Variants in SLC6A3 observed in about 807,000 individuals in gnomAD.
The protein encoded by SLC6A3 is solute carrier family 6 member 3, also known as sodium-dependent dopamine transporter.
A neutral mutation model predicts 70.4 loss-of-function variants in SLC6A3; 19 were observed. The ratio of observed to expected loss-of-function variants is 0.27; its 90% CI spans 0.19 to 0.40. The LOEUF is 0.40. Among genes scored for constraint, SLC6A3 ranks in the 10% least tolerant of loss-of-function variants. SLC6A3 has a pLI of 1.00. For missense variants in SLC6A3, 613 were observed against 838.5 expected, an observed-to-expected ratio of 0.73 and a Z score of 3.32; for synonymous variants, 368 against 356.6, an observed-to-expected ratio of 1.03 and a Z score of -0.36.
chr5:1,441,593 C>G (rs574328618), intron 2 of SLC6A3, 103 bp from the exon 3 acceptor site: 4 of 1,355,200 alleles, frequency 3.0e-6, no homozygotes, highest in Non-Finnish European at 4.0e-6. Context: ...TGTCCTGGCC[C>G]GACCGTTTCA....
In SLC6A3 at chr5:1,413,739, T is replaced by C. The variant is rs1456048063; in HGVS notation, c.1156+952A>G. The stretch of plus-strand genomic sequence containing the variant: ...AGCAGGCCGGGAGGCAGGCGGGGGC[T>C]CTGCTGGCTGACAGAGACCGAGAAG... On this transcript the variant is annotated intron_variant, in intron 8 of 14. Transcript: ENST00000270349. This position sits in a 1 kb window ranked among gnomAD's most constrained non-coding sequence, Gnocchi z 7.1. Among the ~76,000 whole-genome samples, 1 of 151,782 alleles carries C rather than the reference T, an allele frequency of 6.6e-6. No individual in the cohort carries two copies. The highest frequency in any genetic ancestry group is 1.5e-5 in the Non-Finnish European group (1 of 67,922).
chr5:1,401,778 C>T lies in SLC6A3; in HGVS notation c.1768-792G>A, dbSNP rs997319092. On this transcript the variant is annotated intron_variant, in intron 13 of 14. Transcript: ENST00000270349. This position sits in a 1 kb window ranked among gnomAD's most constrained non-coding sequence, Gnocchi z 6.1. Reference sequence around the variant, plus strand: ...GCGCTGACCTGGGCCCCGCCTCCCACGTCCATCCAGCCTCCCAGAGGAGCT... The same window carrying T: ...GCGCTGACCTGGGCCCCGCCTCCCATGTCCATCCAGCCTCCCAGAGGAGCT... Among the ~76,000 whole-genome samples, 2 of 152,382 alleles carry T rather than the reference C, an allele frequency of 1.3e-5. No individual in the cohort carries two copies. Among genetic ancestry groups the T allele is most frequent in the East Asian group, 1.9e-4 (1 of 5,186 alleles).
intron 14 of SLC6A3, among the ~76,000 whole-genome samples, chr5:1,398,937 C>A (rs1004867362): frequency 3.9e-5 from 6 of 152,182 alleles, no homozygotes; most frequent in African/African-American, 9.7e-5. Flanking sequence ...TGGTCAAGCA[C>A]CCCTAAAGTT....
intron 4 of SLC6A3, among the ~76,000 whole-genome samples, chr5:1,422,412 G>GCTGCTGGGTACCCACCGCTGCCCA (rs1756463898): frequency 9.1e-5 from 4 of 44,166 alleles, no homozygotes; most frequent in African/African-American, 4.2e-4. Flanking sequence ...CGCTGCCCAC[G>GCTGCTGGGTACCCACCGCTGCCCA]GTGCTGCCCA....
intron 3 of SLC6A3, among the ~76,000 whole-genome samples, chr5:1,435,736 G>A (rs1756814543): frequency 7.1e-6 from 1 of 140,534 alleles, no homozygotes; most frequent in Non-Finnish European, 1.6e-5. Context: ...GTGGTGGCCA[G>A]TCCCCTCCTG....
In SLC6A3 at chr5:1,412,868, C is replaced by T. The variant is rs28363088; in HGVS notation, c.1157-1513G>A. Among the ~76,000 whole-genome samples the T allele has an allele frequency of 2.9e-4, 44 of 152,324 alleles. No homozygotes were observed. The East Asian group carries it at 7.2e-3, about 25-fold the overall frequency. The stretch of plus-strand genomic sequence containing the variant: ...AGCAGCGGGGTCAGACCTGGGCTCT[C>T]GCAGCTCCCAGATACCCTGGTGGAT... On this transcript the variant is annotated intron_variant, in intron 8 of 14. Coordinates refer to ENST00000270349, the MANE Select transcript of SLC6A3 (RefSeq NM_001044.5).
rs1217312561 is a variant in SLC6A3 at position 1,406,664 on chromosome 5, A to C, written c.1499-376T>G. On this transcript the variant is annotated intron_variant, in intron 11 of 14. Coordinates refer to ENST00000270349, the MANE Select transcript of SLC6A3 (RefSeq NM_001044.5). The surrounding 1 kb of genome is among the most constrained non-coding windows in gnomAD (Gnocchi z 8.8). ...GTAAAATACACATAACATAAAACTTACCATTTTAGCCATTTTTACGTGTAG... is the reference window on the plus strand; with the variant it reads ...GTAAAATACACATAACATAAAACTTCCCATTTTAGCCATTTTTACGTGTAG... Among the ~76,000 whole-genome samples the C allele has an allele frequency of 8.7e-5, 13 of 149,312 alleles. No homozygotes were observed. Among genetic ancestry groups the C allele is most frequent in the Non-Finnish European group, 1.7e-4 (11 of 65,994 alleles).
chr5:1,435,473 A>G (rs1195486243), intron 3 of SLC6A3, among the ~76,000 whole-genome samples: 4 of 152,258 alleles, frequency 2.6e-5, no homozygotes, highest in Non-Finnish European at 4.4e-5. Context: ...GGGTCCTTCC[A>G]GAGCCACTGC....
At chr5:1,427,818 C>G (rs1053753002) in intron 4 of SLC6A3, among the ~76,000 whole-genome samples, 1 of 152,164 alleles carries the variant, frequency 6.6e-6, no homozygotes, top group Non-Finnish European at 1.5e-5. Flanking sequence ...CATGTATGCA[C>G]TTCATAGCAG....
chr5:1,437,427 C>T lies in SLC6A3; in HGVS notation c.418+3932G>A, dbSNP rs1425815905. ...GAGAAGAGACAGAACAGGAGAGACA[C>T]AGAGAGGAAAGGAGGGAGAGAGACA... On this transcript the variant is annotated intron_variant, in intron 3 of 14. Transcript: ENST00000270349. This position sits in a 1 kb window ranked among gnomAD's most constrained non-coding sequence, Gnocchi z 4.8. Among the ~76,000 whole-genome samples the T allele has an allele frequency of 6.6e-6, 1 of 151,366 alleles. No homozygotes were observed. The highest frequency in any genetic ancestry group is 1.5e-5 in the Non-Finnish European group (1 of 67,854).
intron 4 of SLC6A3, among the ~76,000 whole-genome samples, chr5:1,427,688 G>C (rs250682): frequency 0.32 from 49,075 of 152,036 alleles, 9,092 homozygotes; most frequent in East Asian, 0.52. Flanking sequence ...AAACAGTAAT[G>C]ATACGAAAGT....
In SLC6A3 at chr5:1,411,875, C is replaced by T. The variant is rs6880255; in HGVS notation, c.1157-520G>A. On this transcript the variant is annotated intron_variant, in intron 8 of 14. Transcript: ENST00000270349. This position sits in a 1 kb window ranked among gnomAD's most constrained non-coding sequence, Gnocchi z 6.5. The stretch of plus-strand genomic sequence containing the variant: ...ACACTCAGACACACATACCATGCAA[C>T]ATACACACTCAGACACACATACCAT... Among the ~76,000 whole-genome samples the T allele has an allele frequency of 2.1e-5, 3 of 143,484 alleles. No individual in the cohort carries two copies. The highest frequency in any genetic ancestry group is 2.0e-4 in the East Asian group (1 of 5,024). 94.1% of individuals were successfully genotyped at this position (143,484 alleles called of 152,430 possible). A position where few individuals can be genotyped will look rare whatever the true frequency, so the allele number is the denominator to read the frequency against.
chr5:1,420,330 C>G (rs985490755), intron 6 of SLC6A3, among the ~76,000 whole-genome samples: 2 of 152,208 alleles, frequency 1.3e-5, no homozygotes, highest in African/African-American at 4.8e-5. Flanking sequence ...ATATTTTAAC[C>G]CTGAATTATG....
In SLC6A3 at chr5:1,443,001, T is replaced by C; in HGVS notation, c.197A>G (p.Lys66Arg). 3.7e-6 allele frequency: 6 copies of C among 1,614,218 alleles called. No individual in the cohort carries two copies. The highest frequency in any genetic ancestry group is 5.1e-6 in the Non-Finnish European group (6 of 1,180,050). Residue 66 changes from lysine (K) to arginine (R), a missense_variant, in exon 2 of 15, where the codon AAG (lysine) becomes AGG (arginine). Transcript: ENST00000270349. ...EAQDRETWGK[K>R]IDFLLSVIGF... Reference sequence around the variant, plus strand: ...AATGACGGACAGGAGAAAGTCGATCTTCTTGCCCCAGGTCTCCCGATCCTG... The same window carrying C: ...AATGACGGACAGGAGAAAGTCGATCCTCTTGCCCCAGGTCTCCCGATCCTG...
chr5:1,424,947 T>C (rs114514319), intron 4 of SLC6A3, among the ~76,000 whole-genome samples: 2,640 of 152,320 alleles, frequency 0.017, 83 homozygotes, highest in African/African-American at 0.059. Flanking sequence ...AGGGGAAAGC[T>C]GTGCGTCTCC....
At chr5:1,418,727 C>T (rs1231629003) in intron 6 of SLC6A3, among the ~76,000 whole-genome samples, 4 of 151,458 alleles carry the variant, frequency 2.6e-5, no homozygotes, top group Admixed American at 6.6e-5. Flanking sequence ...ATCCATCCAT[C>T]CACCCACCCA....
At position 1,421,653 on chromosome 5, in the gene SLC6A3, G is replaced by T. The variant is rs116569414; in HGVS notation, c.792+223C>A. On this transcript the variant is annotated intron_variant, in intron 5 of 14. Coordinates refer to ENST00000270349, the MANE Select transcript of SLC6A3 (RefSeq NM_001044.5). This position sits in a 1 kb window ranked among gnomAD's most constrained non-coding sequence, Gnocchi z 7.2. ...CCAAGCCAACCCGGCACAGCCACAG[G>T]TGTACCCTCAATCATGGCCACGTGT... Among the ~76,000 whole-genome samples, 1,102 of 151,634 alleles carry T rather than the reference G, an allele frequency of 7.3e-3. 15 individuals carry two copies. The highest frequency in any genetic ancestry group is 0.024 in the African/African-American group (996 of 41,306).
intron 14 of SLC6A3, among the ~76,000 whole-genome samples, chr5:1,400,655 G>A (rs1010946110): frequency 8.5e-5 from 13 of 152,186 alleles, no homozygotes; most frequent in African/African-American, 3.1e-4. Flanking sequence ...ACATGCCCAG[G>A]TCTTTGCAGG....
At position 1,404,323 on chromosome 5, in the gene SLC6A3, G is replaced by A. The variant is rs892581876; in HGVS notation, c.1600-1234C>T. ...GCCTGCAGCATCTGGGATCAGGGGC[G>A]GCTGCCTTGGCTGCACAGAGAGCCC... On this transcript the variant is annotated intron_variant, in intron 12 of 14. Transcript: ENST00000270349. The surrounding 1 kb of genome is among the most constrained non-coding windows in gnomAD (Gnocchi z 5.2). Among the ~76,000 whole-genome samples the A allele has an allele frequency of 3.3e-5, 5 of 152,236 alleles. No individual in the cohort carries two copies. Among genetic ancestry groups the A allele is most frequent in the African/African-American group, 9.6e-5 (4 of 41,470 alleles).
Sources: allele counts gnomAD v4.1 joint callset (sites outside exome capture counted in the v4.1 genomes callset), GRCh38; gene constraint gnomAD v4.1.1; non-coding constraint Gnocchi (gnomAD v3.1); transcripts MANE v1.5; gene names NCBI Gene and HGNC (gene_info 2026-07-23, HGNC 2026-07-21).